TCF25: variants seen among roughly 807,000 people sequenced by gnomAD.
TCF25 encodes TCF25 ribosome quality control complex subunit.
A neutral mutation model predicts 83.1 loss-of-function variants in TCF25; 41 were observed. The ratio of observed to expected loss-of-function variants is 0.49; its 90% CI spans 0.38 to 0.64. The LOEUF is 0.64. Among genes scored for constraint, TCF25 ranks in the 30% least tolerant of loss-of-function variants. The pLI is 0.00. For synonymous variants in TCF25, 458 were observed against 365.0 expected (o/e 1.25, Z -2.90); for missense variants, 979 against 914.5 (o/e 1.07, Z -0.91).
chr16:89,886,098 G>C (rs2042995395), intron 4 of TCF25, 132 bp downstream of exon 4: 1 of 659,840 alleles, frequency 1.5e-6, no homozygotes, highest in Non-Finnish European at 2.7e-6. Context: ...CTCTAAAAAA[G>C]GAAAAATAAA....
intron 5 of TCF25, among the ~76,000 whole-genome samples, chr16:89,888,719 C>T (rs2043198045): frequency 6.7e-6 from 1 of 150,182 alleles, no homozygotes; most frequent in African/African-American, 2.4e-5. Context: ...CTCTGTCGCC[C>T]AGGCTGGAAT....
rs1319061782 is a variant in TCF25, at chr16:89,884,650, A to G, written c.423A>G (p.Glu141=). The G allele has an allele frequency of 1.2e-6, 2 of 1,612,350 alleles. No individual in the cohort carries two copies. The highest frequency in any genetic ancestry group is 2.2e-5 in the East Asian group (1 of 44,804). Residue 141 remains glutamate (E), a synonymous_variant, in exon 3 of 18, where the codon GAA becomes GAG. Coordinates refer to ENST00000263346, the MANE Select transcript of TCF25 (RefSeq NM_014972.3). ...KQKNKKSSTG[E]ASENGLEDID... The stretch of plus-strand genomic sequence containing the variant: ...AAAACAAGAAAAGCAGCACGGGAGA[A>G]GCATCGGTACGTGAGTTGGGCCTGG...
chr16:89,897,205 C>A (rs529580514), intron 9 of TCF25, among the ~76,000 whole-genome samples: 86 of 152,368 alleles, frequency 5.6e-4, no homozygotes, highest in Non-Finnish European at 1.1e-3. Context: ...CAGAGTCAGC[C>A]TGACCCTCGC....
intron 3 of TCF25, 71 bp from the exon 4 acceptor site, chr16:89,885,777 A>T: frequency 7.7e-7 from 1 of 1,300,516 alleles, no homozygotes; most frequent in Non-Finnish European, 1.1e-6. Flanking sequence ...TAAGATAAAT[A>T]ATTTTGTTAT....
chr16:89,879,919 A>G lies in TCF25; in HGVS notation c.193-3432A>G, dbSNP rs138153364. 6.0e-4 allele frequency among the ~76,000 whole-genome samples: 90 copies of G among 149,634 alleles called. 1 individual carries two copies. Among genetic ancestry groups the G allele is most frequent in the South Asian group, 1.5e-3 (7 of 4,668 alleles). On this transcript the variant is annotated intron_variant, in intron 1 of 17. Transcript: ENST00000263346. ...AGCCTGTCACACGTGTTGTCCGTGT[A>G]CACAGACAGGCTCCTGGGCCTATCA...
At position 89,883,413 on chromosome 16, in the gene TCF25, C is replaced by G. The variant is rs145697435; in HGVS notation, c.255C>G (p.Leu85=). 4.3e-5 allele frequency: 69 copies of G among 1,613,880 alleles called. 1 individual carries two copies. The highest frequency in any genetic ancestry group is 5.8e-5 in the Non-Finnish European group (69 of 1,180,030). Residue 85 remains leucine (L), a synonymous_variant, in exon 2 of 18, where the codon CTC becomes CTG. Transcript: ENST00000263346. ...VVNGERSGCA[L]TDAVAPGNKG... ...ACGGGGAGAGGTCTGGCTGTGCGCT[C>G]ACAGACGCTGTGGCACCAGGGAACA...
intron 8 of TCF25, 78 bp downstream of exon 8, chr16:89,895,215 A>G: frequency 7.5e-7 from 1 of 1,333,226 alleles, no homozygotes; most frequent in South Asian, 1.2e-5. Context: ...ATGGTGTAAG[A>G]TGACAGGGGT....
At chr16:89,880,084 T>C (rs928387793) in intron 1 of TCF25, among the ~76,000 whole-genome samples, 7 of 152,056 alleles carry the variant, frequency 4.6e-5, no homozygotes, top group African/African-American at 1.7e-4. Context: ...GTGTTGTCCA[T>C]GTACACAGAC....
rs139149368 is a variant in TCF25, at chr16:89,875,392, G to A, written c.192+1533G>A. Among the ~76,000 whole-genome samples, 47 of 151,796 alleles carry A rather than the reference G, an allele frequency of 3.1e-4. No individual in the cohort carries two copies. The South Asian group carries it at 3.1e-3, about 10-fold the overall frequency. On this transcript the variant is annotated intron_variant, in intron 1 of 17. Coordinates refer to ENST00000263346, the MANE Select transcript of TCF25 (RefSeq NM_014972.3). ...TCGATTGTCTCTAACGTATTTTCTC[G>A]GTTTGTGTTTGTTCTTTAACTTCTT...
At position 89,904,986 on chromosome 16, in the gene TCF25, A is replaced by G. The variant is rs2044657154; in HGVS notation, c.1518A>G (p.Ser506=). The part of the protein sequence containing the change: ...SQLVNLYLGR[S]HFLWKEPATM... The stretch of plus-strand genomic sequence containing the variant: ...TGGTGAACCTGTACCTTGGGAGGTC[A>G]CACTTTCTCTGGAAAGAGCCCGCCA... The change falls in exon 14 of 18, where the codon TCA becomes TCG. Residue 506 remains serine (S), a synonymous_variant. Coordinates refer to ENST00000263346, the MANE Select transcript of TCF25 (RefSeq NM_014972.3). The G allele has an allele frequency of 1.9e-6, 3 of 1,608,012 alleles. No individual in the cohort carries two copies. Among genetic ancestry groups the G allele is most frequent in the South Asian group, 1.1e-5 (1 of 89,990 alleles).
At chr16:89,884,534 T>C (rs764918023) in intron 2 of TCF25, 48 bp from the exon 3 acceptor site, 6 of 1,598,310 alleles carry the variant, frequency 3.8e-6, no homozygotes, top group Non-Finnish European at 5.1e-6. Flanking sequence ...TCTCACTTCT[T>C]AAGATTTACT....
At chr16:89,900,994 G>C in intron 12 of TCF25, 200 bp downstream of exon 12, 1 of 543,310 alleles carries the variant, frequency 1.8e-6, no homozygotes, top group Admixed American at 3.2e-5. Context: ...TGCCAAGCCA[G>C]GCACGAGGAG....
chr16:89,887,409 T>C (rs2043100792), intron 4 of TCF25, among the ~76,000 whole-genome samples: 1 of 151,916 alleles, frequency 6.6e-6, no homozygotes, highest in African/African-American at 2.4e-5. Context: ...CCACACACAG[T>C]GCCTCTTGAC....
chr16:89,896,281 G>T (rs868078681), intron 9 of TCF25, among the ~76,000 whole-genome samples, 198 bp downstream of exon 9: 1 of 152,200 alleles, frequency 6.6e-6, no homozygotes, highest in East Asian at 1.9e-4. Flanking sequence ...ACCTTTGTCT[G>T]TGGACATGCC....
At chr16:89,876,502 GATCCTTCCGCCTT>G (rs2042200817) in intron 1 of TCF25, among the ~76,000 whole-genome samples, 1 of 152,088 alleles carries the variant, frequency 6.6e-6, no homozygotes, top group Non-Finnish European at 1.5e-5. Context: ...GGGCTCAAGA[GATCCTTCCGCCTT>G]GGCCTCCCAA....
Position 89,904,099 on chromosome 16 carries a change from G to T in TCF25, c.1382-19G>T. The T allele has an allele frequency of 6.3e-7, 1 of 1,597,804 alleles. No individual in the cohort carries two copies. The highest frequency in any genetic ancestry group is 8.5e-7 in the Non-Finnish European group (1 of 1,172,936). ...GGTGTGTGCTGAGGGCCCCCACAGA[G>T]CCTCCGCTTCCCCTGCAGTCCTCCT... On this transcript the variant is annotated intron_variant, in intron 12 of 17. Coordinates refer to ENST00000263346, the MANE Select transcript of TCF25 (RefSeq NM_014972.3).
At chr16:89,891,309 G>A (rs1263292420) in intron 5 of TCF25, among the ~76,000 whole-genome samples, 1 of 152,216 alleles carries the variant, frequency 6.6e-6, no homozygotes, top group African/African-American at 2.4e-5. Context: ...TCCTAGGCCT[G>A]GGCGTGTGCT....
intron 1 of TCF25, among the ~76,000 whole-genome samples, chr16:89,874,269 C>G (rs2041987462): frequency 2.0e-5 from 3 of 150,806 alleles, no homozygotes; most frequent in South Asian, 4.2e-4. Context: ...GGCCTGCGGC[C>G]ACGTGGCTGT....
intron 1 of TCF25, 149 bp from the exon 2 acceptor site, chr16:89,883,202 C>T: frequency 5.6e-6 from 6 of 1,069,876 alleles, no homozygotes; most frequent in Non-Finnish European, 7.9e-6. Flanking sequence ...GTCCAACAGT[C>T]TCGGGTTCTT....
Sources: gnomAD v4.1 joint callset for allele counts (sites outside exome capture counted in the v4.1 genomes callset) on GRCh38, gnomAD v4.1.1 for gene constraint, MANE v1.5 for transcripts, NCBI Gene and HGNC (gene_info 2026-07-23, HGNC 2026-07-21) for gene names.